CDH12: variants seen among roughly 807,000 people sequenced by gnomAD.
CDH12 encodes cadherin-12.
A neutral mutation model predicts 74.1 loss-of-function variants in CDH12; 41 were observed. The observed-to-expected ratio is 0.55, with a 90% CI of 0.43 to 0.72. The LOEUF (loss-of-function observed/expected upper bound fraction) is 0.72, where lower values mean the gene tolerates loss of function less well. Ranked by LOEUF, CDH12 falls within the 30% of genes least tolerant of loss-of-function variation. CDH12 has a pLI of 0.00. For synonymous variants in CDH12, 399 were observed against 355.0 expected, an observed-to-expected ratio of 1.12 and a Z score of -1.39; for missense variants, 945 against 977.2, an observed-to-expected ratio of 0.97 and a Z score of 0.44.
intron 5 of CDH12, among the ~76,000 whole-genome samples, chr5:22,069,571 A>T (rs1741800178): frequency 6.6e-6 from 1 of 152,178 alleles, no homozygotes; most frequent in South Asian, 2.1e-4. Context: ...TCTTAGTTCC[A>T]GAAGGAGGCA....
At chr5:22,302,950 T>C (rs906666205) in intron 3 of CDH12, among the ~76,000 whole-genome samples, 1 of 152,100 alleles carries the variant, frequency 6.6e-6, no homozygotes, top group East Asian at 1.9e-4. Context: ...AACTGGATGA[T>C]AAATGTTGAA....
At chr5:22,711,577 A>G (rs1743289815) in intron 1 of CDH12, among the ~76,000 whole-genome samples, 1 of 152,126 alleles carries the variant, frequency 6.6e-6, no homozygotes. Context: ...CTTGTCATAA[A>G]TAATTGAAAT....
chr5:22,132,388 G>T (rs1282642679), intron 4 of CDH12, among the ~76,000 whole-genome samples: 1 of 152,010 alleles, frequency 6.6e-6, no homozygotes, highest in East Asian at 1.9e-4. Context: ...CTTTGCTGTT[G>T]TGTTTACATT....
chr5:22,560,103 T>A lies in CDH12; in HGVS notation c.-522-54739A>T, dbSNP rs148003061. 9.8e-3 allele frequency among the ~76,000 whole-genome samples: 1,487 copies of A among 152,278 alleles called. 11 individuals are homozygous for A. The highest frequency in any genetic ancestry group is 0.012 in the Non-Finnish European group (848 of 68,020). On this transcript the variant is annotated intron_variant, in intron 1 of 14. Coordinates refer to ENST00000382254, the MANE Select transcript of CDH12 (RefSeq NM_004061.5). ...ATTTATTGAGATTATATCTGTGTAT[T>A]AAGGTATTTTTGATGAAGATGTCTT...
chr5:22,376,514 T>C (rs1392040112), intron 3 of CDH12, among the ~76,000 whole-genome samples: 1 of 152,080 alleles, frequency 6.6e-6, no homozygotes, highest in Admixed American at 6.6e-5. Context: ...TTACATACCC[T>C]GACTTGATCA....
chr5:21,827,493 A>G (rs1377806225), intron 8 of CDH12, among the ~76,000 whole-genome samples: 1 of 152,182 alleles, frequency 6.6e-6, no homozygotes, highest in African/African-American at 2.4e-5. Flanking sequence ...AAGAAAACTT[A>G]TTACATCTCT....
At chr5:22,154,921 A>G (rs1747926881) in intron 4 of CDH12, among the ~76,000 whole-genome samples, 1 of 152,046 alleles carries the variant, frequency 6.6e-6, no homozygotes, top group South Asian at 2.1e-4. Flanking sequence ...AGGCCTGACT[A>G]CAAAAAGATT....
At chr5:22,799,202 T>G (rs1748381557) in intron 1 of CDH12, among the ~76,000 whole-genome samples, 1 of 152,140 alleles carries the variant, frequency 6.6e-6, no homozygotes. Context: ...CTTAGGCATA[T>G]TTTTTCCTCT....
chr5:21,780,812 T>C (rs1745865323), intron 11 of CDH12, among the ~76,000 whole-genome samples: 1 of 152,192 alleles, frequency 6.6e-6, no homozygotes, highest in Non-Finnish European at 1.5e-5. Context: ...AAGTGGATTT[T>C]TAAAATTATG....
At chr5:22,247,672 CAAAA>C (rs11455543) in intron 3 of CDH12, among the ~76,000 whole-genome samples, 1 of 151,042 alleles carries the variant, frequency 6.6e-6, no homozygotes, top group Non-Finnish European at 1.5e-5. Flanking sequence ...GAGACTCCGT[CAAAA>C]AAAAAGAAAA....
chr5:22,604,723 C>T (rs866224212), intron 1 of CDH12, among the ~76,000 whole-genome samples: 1 of 152,208 alleles, frequency 6.6e-6, no homozygotes, highest in Admixed American at 6.5e-5. Context: ...TCTGGGGAGC[C>T]ATGTGGCAGA....
chr5:22,083,133 TA>T (rs1561092091), intron 4 of CDH12, among the ~76,000 whole-genome samples: 1 of 152,202 alleles, frequency 6.6e-6, no homozygotes, highest in Non-Finnish European at 1.5e-5. Context: ...GCAGAGCTTT[TA>T]AAAAACTTGC....
intron 3 of CDH12, among the ~76,000 whole-genome samples, chr5:22,374,701 A>C (rs112928755): frequency 1.3e-5 from 2 of 152,118 alleles, no homozygotes; most frequent in African/African-American, 4.8e-5. Flanking sequence ...AGGCAATATC[A>C]TTAACAATAA....
In CDH12 at chr5:22,392,636, C is replaced by A. The variant is rs1360030238; in HGVS notation, c.-333+12621G>T. ...TGAGGCCAGAGAGGTATCCATGCTTCATCTCATTCAAGTCATTATTGACCA... is the reference window on the plus strand; with the variant it reads ...TGAGGCCAGAGAGGTATCCATGCTTAATCTCATTCAAGTCATTATTGACCA... On this transcript the variant is annotated intron_variant, in intron 3 of 14. Coordinates refer to ENST00000382254, the MANE Select transcript of CDH12 (RefSeq NM_004061.5). Among the ~76,000 whole-genome samples the A allele has an allele frequency of 4.6e-5, 7 of 152,182 alleles. No individual in the cohort carries two copies. The East Asian group carries it at 1.2e-3, about 25-fold the overall frequency.
At chr5:22,588,080 A>G (rs1181602487) in intron 1 of CDH12, among the ~76,000 whole-genome samples, 1 of 150,422 alleles carries the variant, frequency 6.6e-6, no homozygotes, top group Non-Finnish European at 1.5e-5. Context: ...TGCAATAAAT[A>G]CATACATGTA....
intron 6 of CDH12, among the ~76,000 whole-genome samples, chr5:21,972,261 T>C (rs1239657964): frequency 2.0e-5 from 3 of 152,146 alleles, no homozygotes; most frequent in African/African-American, 7.2e-5. Flanking sequence ...CTTCCCTTTT[T>C]TTGGAAATGA....
At chr5:22,480,953 A>G (rs530822601) in intron 2 of CDH12, among the ~76,000 whole-genome samples, 1 of 152,268 alleles carries the variant, frequency 6.6e-6, no homozygotes, top group East Asian at 1.9e-4. Flanking sequence ...TTTATAACAT[A>G]TTTTCTTCTA....
Position 22,163,203 on chromosome 5 carries a change from A to G in CDH12, c.-187+49295T>C, listed in dbSNP as rs546692546. 6.7e-4 allele frequency among the ~76,000 whole-genome samples: 102 copies of G among 152,222 alleles called. 2 individuals carry two copies. The highest frequency in any genetic ancestry group is 2.3e-3 in the African/African-American group (96 of 41,552). The stretch of plus-strand genomic sequence containing the variant: ...GCCCCCTCTGACGTTTTAATGTTGC[A>G]TCTCAAGGTTCAGTCCTCGGCCCTC... On this transcript the variant is annotated intron_variant, in intron 4 of 14. Transcript: ENST00000382254.
chr5:22,415,065 T>G (rs1270351), intron 2 of CDH12, among the ~76,000 whole-genome samples: 1 of 151,810 alleles, frequency 6.6e-6, no homozygotes, highest in Non-Finnish European at 1.5e-5. Flanking sequence ...CTCTTAAACT[T>G]TTAGACTTTG....
Sources: allele counts gnomAD v4.1 joint callset (sites outside exome capture counted in the v4.1 genomes callset), GRCh38; gene constraint gnomAD v4.1.1; transcripts MANE v1.5; gene names NCBI Gene and HGNC (gene_info 2026-07-23, HGNC 2026-07-21).